MYH1: variants seen among roughly 807,000 people sequenced by gnomAD.
MYH1 encodes myosin-1.
In MYH1, 214 loss-of-function variants were observed where a neutral mutation model predicts 225.6. That is an observed-to-expected ratio of 0.95 (90% CI 0.85 to 1.06). The LOEUF is 1.06. Ranked by LOEUF, MYH1 falls within the 50% of genes least tolerant of loss-of-function variation. MYH1 has a pLI of 0.00. For synonymous variants in MYH1, 774 were observed against 842.3 expected (o/e 0.92, Z 1.40); for missense variants, 2,098 against 2,344.2 (o/e 0.89, Z 2.17).
intron 30 of MYH1, 114 bp from the exon 31 acceptor site, chr17:10,498,031 C>T: frequency 1.9e-6 from 2 of 1,077,756 alleles, no homozygotes; most frequent in Non-Finnish European, 2.6e-6. Flanking sequence ...GCTTCTCAAG[C>T]TTGTTTTGTA....
intron 9 of MYH1, 54 bp from the exon 10 acceptor site, chr17:10,513,019 A>G (rs1041411748): frequency 2.4e-6 from 3 of 1,251,046 alleles, no homozygotes; most frequent in Admixed American, 1.9e-5. Flanking sequence ...AATGTCCTGG[A>G]GTGATTTGAG....
intron 31 of MYH1, 103 bp downstream of exon 31, chr17:10,497,631 G>T: frequency 6.5e-7 from 1 of 1,527,012 alleles, no homozygotes. Context: ...TGGGTTAAGA[G>T]CTACTGAGAA....
intron 27 of MYH1, 133 bp downstream of exon 27, chr17:10,500,977 T>C: frequency 7.0e-7 from 1 of 1,421,800 alleles, no homozygotes; most frequent in Non-Finnish European, 9.5e-7. Context: ...ACTACTTTAC[T>C]AAGTTGTACT....
Position 10,509,520 on chromosome 17 carries a change from T to C in MYH1, c.1552A>G (p.Met518Val). Reference protein sequence around the residue: ...GIEWTFIDFGMDLAACIELIE... With the variant: ...GIEWTFIDFGVDLAACIELIE... Reference sequence around the variant, plus strand: ...AGCTCGATGCAGGCAGCCAGGTCCATCCCAAAGTCAATGAACGTCCACTCA... The same window carrying C: ...AGCTCGATGCAGGCAGCCAGGTCCACCCCAAAGTCAATGAACGTCCACTCA... The change falls in exon 15 of 40, where the codon ATG becomes GTG. Residue 518 changes from methionine to valine, a missense_variant. By Grantham distance (21) the Met-to-Val change is conservative. Transcript: ENST00000226207. The C allele has an allele frequency of 6.2e-7, 1 of 1,614,140 alleles. No individual in the cohort carries two copies. Among genetic ancestry groups the C allele is most frequent in the Non-Finnish European group, 8.5e-7 (1 of 1,180,024 alleles).
rs759022186 is a variant in MYH1 at position 10,505,087 on chromosome 17, C to T, written c.2436-22G>A. On this transcript the variant is annotated intron_variant, in intron 21 of 39. Coordinates refer to ENST00000226207, the MANE Select transcript of MYH1 (RefSeq NM_005963.4). ...CTCTCTGTCATAGGAACAGAAATGTCCAAATCAGATTATAATAAGAAGCAG... is the reference window on the plus strand; with the variant it reads ...CTCTCTGTCATAGGAACAGAAATGTTCAAATCAGATTATAATAAGAAGCAG... 5 of 1,613,306 alleles carry T rather than the reference C, an allele frequency of 3.1e-6. No individual in the cohort carries two copies. In the African/African-American group the frequency reaches 6.7e-5, roughly 22 times the overall value.
chr17:10,494,510 A>C, intron 38 of MYH1, 59 bp downstream of exon 38: 1 of 1,610,862 alleles, frequency 6.2e-7, no homozygotes, highest in Non-Finnish European at 8.5e-7. Flanking sequence ...TTTGTCATAC[A>C]TATGACTTTT....
At chr17:10,514,723 A>T (rs1224611502) in intron 6 of MYH1, 145 bp downstream of exon 6, 3 of 753,398 alleles carry the variant, frequency 4.0e-6, no homozygotes, top group Non-Finnish European at 7.0e-6. Context: ...TGCAATGTAA[A>T]CCTTATAATA....
Position 10,505,298 on chromosome 17 carries a change from A to G in MYH1, c.2300T>C (p.Val767Ala), listed in dbSNP as rs1274907486. 1 of 1,614,146 alleles carries G rather than the reference A, an allele frequency of 6.2e-7. No individual in the cohort carries two copies. The highest frequency in any genetic ancestry group is 1.1e-5 in the South Asian group (1 of 91,072). The part of the protein sequence containing the change: ...HTQYKFGHTK[V>A]FFKAGLLGLL... Reference sequence around the variant, plus strand: ...CCCCAGAAGACCAGCTTTGAAAAAGACCTATGTGTGGGAAGAATTTCAGAT... The same window carrying G: ...CCCCAGAAGACCAGCTTTGAAAAAGGCCTATGTGTGGGAAGAATTTCAGAT... Residue 767 changes from valine to alanine, a missense_variant and splice_region_variant, in exon 21 of 40, where the codon GTC becomes GCC. By Grantham distance (64) the Val-to-Ala change is moderately conservative. Transcript: ENST00000226207.
At position 10,494,418 on chromosome 17, in the gene MYH1, A is replaced by T. The variant is rs200755710; in HGVS notation, c.5603T>A (p.Leu1868His). 3.1e-6 allele frequency: 5 copies of T among 1,614,032 alleles called. No individual in the cohort carries two copies. The highest frequency in any genetic ancestry group is 4.2e-6 in the Non-Finnish European group (5 of 1,180,036). Residue 1868 changes from leucine to histidine, a missense_variant, in exon 39 of 40, where the codon CTC becomes CAC. Physicochemically the swap from Leu to His is moderately conservative, Grantham distance 99. Transcript: ENST00000226207. ...TTGCAGTTTGTCCACCAGGTCCTGG[A>T]GCCTGAGAATATTCTTGCGGTCTTC... is the stretch of plus-strand genomic sequence containing the variant. ...TEEDRKNILR[L>H]QDLVDKLQAK...
At chr17:10,514,425 T>A (rs1205065186) in intron 6 of MYH1, among the ~76,000 whole-genome samples, 3 of 152,204 alleles carry the variant, frequency 2.0e-5, no homozygotes, top group Non-Finnish European at 4.4e-5. Context: ...AATGGAACAA[T>A]TAGTAGGAAA....
In MYH1 at chr17:10,497,159, T is replaced by G. The variant is rs1439369531; in HGVS notation, c.4566A>C (p.Glu1522Asp). 3.7e-6 allele frequency: 6 copies of G among 1,614,142 alleles called. No individual in the cohort carries two copies. In the South Asian group the frequency reaches 4.4e-5, roughly 12 times the overall value. ...CCAGTTCATGGATGCGCTTTCCTCC[T>G]TCTGCAATCTGTTCAGTGAGATCAG... ...EISDLTEQIA[E>D]GGKRIHELEK... The change falls in exon 33 of 40, where the codon GAA (glutamate) becomes GAC (aspartate). Residue 1522 changes from glutamate to aspartate, a missense_variant. Transcript: ENST00000226207.
chr17:10,500,507 A>C, intron 28 of MYH1, 119 bp downstream of exon 28: 2 of 1,445,816 alleles, frequency 1.4e-6, no homozygotes, highest in Admixed American at 2.0e-5. Context: ...TGTTCATATT[A>C]GTGGGGATCT....
rs2073008146 is a variant in MYH1, at chr17:10,497,407, G to A, written c.4411C>T (p.Leu1471Phe). ...CGGGATTCCTTTTGAGAAGCTTCAA[G>A]TTCAGCATGAGTTTCTTCACACTTC... ...KQKCEETHAELEASQKESRSL... is the reference protein window; with the variant it reads ...KQKCEETHAEFEASQKESRSL... The change falls in exon 32 of 40, where the codon CTT becomes TTT. Residue 1471 changes from leucine to phenylalanine, a missense_variant. Physicochemically the swap from Leu to Phe is conservative, Grantham distance 22. Transcript: ENST00000226207. 2 of 1,612,420 alleles carry A rather than the reference G, an allele frequency of 1.2e-6. No homozygotes were observed. Among genetic ancestry groups the A allele is most frequent in the Admixed American group, 3.3e-5 (2 of 59,744 alleles).
intron 2 of MYH1, among the ~76,000 whole-genome samples, chr17:10,517,694 G>A (rs750166783): frequency 3.9e-5 from 6 of 152,014 alleles, no homozygotes; most frequent in Admixed American, 6.6e-5. Flanking sequence ...TTCGTATTGT[G>A]TGTGTGTATA....
At position 10,496,304 on chromosome 17, in the gene MYH1, G is replaced by GC; in HGVS notation, c.4901_4902insG (p.Asn1634LysfsTer9). The stretch of plus-strand genomic sequence containing the variant: ...CCTCAGCAGCCATGCGGTTGGCATG[G>GC]TTCAGCTGGATTTCCATTTCATTGA... On this transcript the variant is annotated frameshift_variant, in exon 34 of 40. Transcript: ENST00000226207. LOFTEE classifies it high-confidence loss of function. The GC allele has an allele frequency of 1.2e-6, 2 of 1,614,082 alleles. No homozygotes were observed. The highest frequency in any genetic ancestry group is 1.7e-6 in the Non-Finnish European group (2 of 1,180,034).
In MYH1 at chr17:10,505,282, A is replaced by G. The variant is rs377007481; in HGVS notation, c.2316T>C (p.Gly772=). 2.2e-4 allele frequency: 358 copies of G among 1,614,180 alleles called. 4 individuals are homozygous for G. The South Asian group carries it at 2.9e-3, about 13-fold the overall frequency. The part of the protein sequence containing the change: ...FGHTKVFFKA[G]LLGLLEEMRD... ...GCATCTCCTCTAGGAGCCCCAGAAG[A>G]CCAGCTTTGAAAAAGACCTATGTGT... The change falls in exon 21 of 40, where the codon GGT becomes GGC. Residue 772 remains glycine, a synonymous_variant. Coordinates refer to ENST00000226207, the MANE Select transcript of MYH1 (RefSeq NM_005963.4).
At position 10,492,559 on chromosome 17, in the gene MYH1, A is replaced by T; in HGVS notation, c.5677T>A (p.Ser1893Thr). 1 of 1,612,766 alleles carries T rather than the reference A, an allele frequency of 6.2e-7. No homozygotes were observed. The change falls in exon 40 of 40, where the codon TCC becomes ACC. Residue 1893 changes from serine to threonine, a missense_variant. Transcript: ENST00000226207. ...KRQAEEAEEQ[S>T]NVNLSKFRRI... Reference sequence around the variant, plus strand: ...CGGAATTTGGAGAGGTTGACGTTGGATTGTTCCTCCTGTGAATGGAAATCC... The same window carrying T: ...CGGAATTTGGAGAGGTTGACGTTGGTTTGTTCCTCCTGTGAATGGAAATCC...
intron 15 of MYH1, among the ~76,000 whole-genome samples, 194 bp downstream of exon 15, chr17:10,509,291 T>A (rs1284969578): frequency 6.6e-6 from 1 of 152,216 alleles, no homozygotes; most frequent in Non-Finnish European, 1.5e-5. Flanking sequence ...GGGTAAGTGT[T>A]GTGTTCTGGA....
intron 34 of MYH1, 21 bp downstream of exon 34, chr17:10,496,220 T>C (rs370942856): frequency 6.5e-4 from 1,047 of 1,614,158 alleles, no homozygotes; most frequent in Non-Finnish European, 8.2e-4. Flanking sequence ...TGTCCTGGGA[T>C]CATCTGTTGG....
Sources: gnomAD v4.1 joint callset for allele counts (sites outside exome capture counted in the v4.1 genomes callset) on GRCh38, gnomAD v4.1.1 for gene constraint, MANE v1.5 for transcripts, NCBI Gene and HGNC (gene_info 2026-07-23, HGNC 2026-07-21) for gene names.